Variants in FAF1 observed in about 807,000 individuals in gnomAD.
FAF1 encodes the protein Fas associated factor 1.
In FAF1, 25 loss-of-function variants were observed where a neutral mutation model predicts 92.5. The ratio of observed to expected loss-of-function variants is 0.27; its 90% CI spans 0.20 to 0.38. FAF1 has a LOEUF of 0.38. Ranked by LOEUF, FAF1 falls within the 10% of genes least tolerant of loss-of-function variation. The pLI is 1.00. For synonymous variants in FAF1, 234 were observed against 273.2 expected, an observed-to-expected ratio of 0.86 and a Z score of 1.42; for missense variants, 636 against 793.3, an observed-to-expected ratio of 0.80 and a Z score of 2.38.
chr1:50,763,629 G>C (rs1660445345), intron 4 of FAF1, among the ~76,000 whole-genome samples: 1 of 152,104 alleles, frequency 6.6e-6, no homozygotes, highest in South Asian at 2.1e-4. Context: ...TTTGCTGTGT[G>C]TGCTTCAGTT....
intron 12 of FAF1, among the ~76,000 whole-genome samples, chr1:50,570,942 G>A (rs1014786058): frequency 5.5e-4 from 83 of 152,260 alleles, no homozygotes; most frequent in African/African-American, 2.0e-3. Flanking sequence ...CTGCTTTCGT[G>A]AAGAAAGCAG....
chr1:50,620,303 G>A (rs1653133081), intron 8 of FAF1, among the ~76,000 whole-genome samples: 1 of 152,142 alleles, frequency 6.6e-6, no homozygotes, highest in Non-Finnish European at 1.5e-5. Context: ...TTGATTTGAA[G>A]AACCAGTCTT....
At chr1:50,869,693 T>C (rs1219507496) in intron 1 of FAF1, among the ~76,000 whole-genome samples, 3 of 152,202 alleles carry the variant, frequency 2.0e-5, no homozygotes, top group Admixed American at 6.5e-5. Flanking sequence ...TTTAAACCTA[T>C]AGTTTTCCAA....
At chr1:50,903,896 C>G (rs1360202601) in intron 1 of FAF1, among the ~76,000 whole-genome samples, 1 of 152,152 alleles carries the variant, frequency 6.6e-6, no homozygotes, top group Non-Finnish European at 1.5e-5. Context: ...CCAAGTCTCT[C>G]TACTGGAACC....
At chr1:50,542,028 A>C (rs1648780200) in intron 13 of FAF1, among the ~76,000 whole-genome samples, 1 of 152,186 alleles carries the variant, frequency 6.6e-6, no homozygotes, top group South Asian at 2.1e-4. Context: ...TAAAAACAAC[A>C]ACAAAGTGAT....
rs1644813162 is a variant in FAF1, at chr1:50,903,596, T to C, written c.46-45599A>G. On this transcript the variant is annotated intron_variant, in intron 1 of 18. Coordinates refer to ENST00000396153, the MANE Select transcript of FAF1 (RefSeq NM_007051.3). ...AAAAATGTTGAAACATTTGGGCACC[T>C]AATAAAAATGGCAATAAATAGAGGA... Among the ~76,000 whole-genome samples, 3 of 152,246 alleles carry C rather than the reference T, an allele frequency of 2.0e-5. No individual in the cohort carries two copies. In the South Asian group the frequency reaches 6.2e-4, roughly 32 times the overall value.
intron 2 of FAF1, among the ~76,000 whole-genome samples, chr1:50,818,135 G>A (rs888051198): frequency 1.3e-5 from 2 of 152,090 alleles, no homozygotes; most frequent in Non-Finnish European, 2.9e-5. Flanking sequence ...GTGGAAATGA[G>A]TTTATACATA....
intron 6 of FAF1, among the ~76,000 whole-genome samples, chr1:50,729,658 T>G (rs1389530953): frequency 6.7e-6 from 1 of 149,040 alleles, no homozygotes; most frequent in African/African-American, 2.5e-5. Flanking sequence ...CCGCCTGCGT[T>G]GGCCTCCCAA....
intron 1 of FAF1, among the ~76,000 whole-genome samples, chr1:50,888,940 T>C (rs980490656): frequency 6.6e-6 from 1 of 152,224 alleles, no homozygotes; most frequent in Non-Finnish European, 1.5e-5. Context: ...GAAGGAATGG[T>C]ACCAGCTCCT....
At chr1:50,553,805 G>A (rs1649423384) in intron 13 of FAF1, among the ~76,000 whole-genome samples, 1 of 152,066 alleles carries the variant, frequency 6.6e-6, no homozygotes, top group Non-Finnish European at 1.5e-5. Context: ...GCTTATATCA[G>A]GTAACTGCAA....
chr1:50,629,236 C>T (rs902863375), intron 8 of FAF1, among the ~76,000 whole-genome samples: 1 of 139,294 alleles, frequency 7.2e-6, no homozygotes, highest in Non-Finnish European at 1.5e-5. Context: ...ATGGTGCGAT[C>T]TCGGCTCACT....
chr1:50,716,522 C>T (rs1350463844), intron 6 of FAF1, among the ~76,000 whole-genome samples: 3 of 152,150 alleles, frequency 2.0e-5, no homozygotes, highest in Non-Finnish European at 4.4e-5. Context: ...GTAAAATGCA[C>T]CAATCAGCAC....
At chr1:50,865,630 T>C (rs1399287232) in intron 1 of FAF1, among the ~76,000 whole-genome samples, 56 of 124,380 alleles carry the variant, frequency 4.5e-4, no homozygotes, top group African/African-American at 1.5e-3. Flanking sequence ...TAGGTGGGAA[T>C]TGAACAATGA....
intron 1 of FAF1, among the ~76,000 whole-genome samples, chr1:50,892,723 C>T (rs1021421381): frequency 6.6e-6 from 1 of 152,124 alleles, no homozygotes; most frequent in Non-Finnish European, 1.5e-5. Flanking sequence ...ATACTAATAT[C>T]TTTCTCTAGA....
intron 3 of FAF1, among the ~76,000 whole-genome samples, chr1:50,788,623 A>C (rs932544164): frequency 1.3e-5 from 2 of 151,944 alleles, no homozygotes; most frequent in Non-Finnish European, 2.9e-5. Context: ...TTAAACCTCA[A>C]TTCTCCCCAA....
intron 8 of FAF1, among the ~76,000 whole-genome samples, chr1:50,649,296 G>A (rs1231126417): frequency 1.3e-5 from 2 of 151,826 alleles, no homozygotes; most frequent in Admixed American, 6.6e-5. Flanking sequence ...GGGATTACAG[G>A]CATGCGCCAC....
At chr1:50,866,717 T>C (rs1644484846) in intron 1 of FAF1, among the ~76,000 whole-genome samples, 1 of 152,110 alleles carries the variant, frequency 6.6e-6, no homozygotes. Context: ...ACACATCCCA[T>C]GATCATGGAT....
At position 50,921,498 on chromosome 1, in the gene FAF1, G is replaced by A. The variant is rs566010076; in HGVS notation, c.45+38269C>T. 1.3e-4 allele frequency among the ~76,000 whole-genome samples: 20 copies of A among 152,248 alleles called. No homozygotes were observed. The South Asian group carries it at 2.5e-3, about 19-fold the overall frequency. ...TTAAAGTGGCCAGGCATGGTGGCTCGCGCCTGTAATCCCAGCACTTTGTGA... is the reference window on the plus strand; with the variant it reads ...TTAAAGTGGCCAGGCATGGTGGCTCACGCCTGTAATCCCAGCACTTTGTGA... On this transcript the variant is annotated intron_variant, in intron 1 of 18. Transcript: ENST00000396153.
At chr1:50,726,761 G>A (rs1237831593) in intron 6 of FAF1, among the ~76,000 whole-genome samples, 2 of 152,150 alleles carry the variant, frequency 1.3e-5, no homozygotes, top group African/African-American at 2.4e-5. Context: ...TCCGGGAGGC[G>A]GAACTTGTAG....
Sources: gnomAD v4.1 joint callset for allele counts (sites outside exome capture counted in the v4.1 genomes callset) on GRCh38, gnomAD v4.1.1 for gene constraint, MANE v1.5 for transcripts, NCBI Gene and HGNC (gene_info 2026-07-23, HGNC 2026-07-21) for gene names.